GRIP2: variants seen among roughly 807,000 people sequenced by gnomAD.
The protein encoded by GRIP2 is glutamate receptor interacting protein 2, also known as glutamate receptor-interacting protein 2.
GRIP2 carries 58 observed loss-of-function variants against 108.3 expected under a neutral mutation model. The observed-to-expected ratio is 0.54, with a 90% CI of 0.43 to 0.67. The LOEUF (loss-of-function observed/expected upper bound fraction) is 0.67, where lower values mean the gene tolerates loss of function less well. Among genes scored for constraint, GRIP2 ranks in the 30% least tolerant of loss-of-function variants. GRIP2 has a pLI of 0.00. For missense variants in GRIP2, 1,278 were observed against 1,430.6 expected (o/e 0.89, Z 1.72); for synonymous variants, 586 against 598.2 (o/e 0.98, Z 0.30).
chr3:14,568,585 G>A, the GRIP2 span, among the ~76,000 whole-genome samples: 1 of 152,180 alleles, frequency 6.6e-6, no homozygotes, highest in Non-Finnish European at 1.5e-5. Flanking sequence ...CCTGACTCAC[G>A]TGGCACAGGT....
the GRIP2 span, among the ~76,000 whole-genome samples, chr3:14,581,688 T>G: frequency 6.6e-6 from 1 of 152,292 alleles, no homozygotes; most frequent in African/African-American, 2.4e-5. Context: ...GAGAAGTGAA[T>G]GATGGGAAGA....
chr3:14,520,488 C>T lies in GRIP2; in HGVS notation c.762G>A (p.Thr254=), dbSNP rs527277444. The T allele has an allele frequency of 8.1e-6, 13 of 1,613,920 alleles. No individual in the cohort carries two copies. In the African/African-American group the frequency reaches 1.1e-4, roughly 13 times the overall value. Residue 254 remains threonine, a synonymous_variant, in exon 8 of 24, where the codon ACG becomes ACA. Transcript: ENST00000621039. ...GCGAGATCCCCAGGGCAGACCCTGG[C>T]GTCTTGACTATTTCCACCATCAAGG... ...SGPLMVEIVK[T]PGSALGISLT...
At chr3:14,513,298 G>A (rs1437033692) in intron 13 of GRIP2, among the ~76,000 whole-genome samples, 11 of 152,196 alleles carry the variant, frequency 7.2e-5, no homozygotes. Flanking sequence ...ATTTACGGAT[G>A]GGGAAACAGT....
chr3:14,539,511 T>C (rs13092628), intron 1 of GRIP2, among the ~76,000 whole-genome samples: 11,265 of 152,164 alleles, frequency 0.074, 462 homozygotes, highest in Middle Eastern at 0.12. Flanking sequence ...GGGACCACAG[T>C]CCTTGCCCTT....
rs1437360348 is a variant in GRIP2, at chr3:14,506,974, AG to A, written c.2224del (p.Leu742SerfsTer23). 2.5e-6 allele frequency: 4 copies of A among 1,600,868 alleles called. No homozygotes were observed. The highest frequency in any genetic ancestry group is 3.4e-6 in the Non-Finnish European group (4 of 1,173,530). ...LKIKKQLDRP[L>X]LPRKSGSLSE... ...GAGGCTGCCCGACTTGCGGGGTAGG[AG>A]GGGACCTGGGAGGAGAGAGGGGTGT... On this transcript the variant is annotated frameshift_variant, in exon 19 of 24. Transcript: ENST00000621039. LOFTEE classifies it high-confidence loss of function.
intron 11 of GRIP2, among the ~76,000 whole-genome samples, chr3:14,514,814 C>G (rs1694205345): frequency 6.6e-6 from 1 of 152,202 alleles, no homozygotes; most frequent in South Asian, 2.1e-4. Context: ...TATATTATGT[C>G]ACTCTGCTTT....
At chr3:14,497,750 C>G (rs1421071833) in intron 21 of GRIP2, among the ~76,000 whole-genome samples, 1 of 151,988 alleles carries the variant, frequency 6.6e-6, no homozygotes, top group Non-Finnish European at 1.5e-5. Context: ...TGTTAGGGGT[C>G]ATGTAGTGGT....
chr3:14,538,917 G>C (rs1028622800), intron 1 of GRIP2, among the ~76,000 whole-genome samples: 1 of 152,214 alleles, frequency 6.6e-6, no homozygotes, highest in Non-Finnish European at 1.5e-5. Flanking sequence ...CACCTCCCTG[G>C]CAGTGCCCCA....
At chr3:14,575,070 G>C in the GRIP2 span, among the ~76,000 whole-genome samples, 1 of 152,142 alleles carries the variant, frequency 6.6e-6, no homozygotes, top group East Asian at 1.9e-4. Flanking sequence ...GATGTGATTG[G>C]AGATGAGCCC....
upstream of GRIP2, among the ~76,000 whole-genome samples, chr3:14,546,760 C>A (rs1695064138): frequency 6.6e-6 from 1 of 152,212 alleles, no homozygotes. Flanking sequence ...CGAGCTCCCA[C>A]TTGACTCTCC....
intron 10 of GRIP2, 110 bp from the exon 11 acceptor site, chr3:14,517,323 C>T (rs551633883): frequency 6.2e-6 from 7 of 1,120,442 alleles, no homozygotes; most frequent in Non-Finnish European, 7.4e-6. Flanking sequence ...GGATGCCTTC[C>T]CCCTTCACAT....
the GRIP2 span, among the ~76,000 whole-genome samples, chr3:14,599,036 A>G: frequency 1.2e-4 from 18 of 152,060 alleles, no homozygotes; most frequent in Admixed American, 2.0e-4. Context: ...TTGTCTTCAT[A>G]TCACTGATGA....
At chr3:14,551,212 G>A (rs1695142269) in intron 1 of GRIP2, among the ~76,000 whole-genome samples, 1 of 152,224 alleles carries the variant, frequency 6.6e-6, no homozygotes, top group South Asian at 2.1e-4. Context: ...GGGGAGACAG[G>A]GCTGGGAGCC....
upstream of GRIP2, chr3:14,540,534 G>T: frequency 1.0e-6 from 1 of 978,914 alleles, no homozygotes; most frequent in Non-Finnish European, 1.5e-6. The surrounding 1 kb of genome is among the most constrained non-coding windows in gnomAD (Gnocchi z 4.1). Context: ...CTGCAGCCTG[G>T]GTCTGGACAG....
upstream of GRIP2, chr3:14,542,162 AT>A (rs532429606): frequency 4.9e-4 from 467 of 951,758 alleles, no homozygotes; most frequent in Middle Eastern, 1.5e-3. Context: ...TATTTTTTTT[AT>A]TTTTTTTTGT....
At chr3:14,517,030 C>G (rs1351943376) in intron 11 of GRIP2, 34 bp downstream of exon 11, 1 of 1,459,800 alleles carries the variant, frequency 6.9e-7, no homozygotes, top group Admixed American at 2.6e-5. Context: ...GACATACAAG[C>G]AGCCCAAGGA....
At chr3:14,553,903 G>A (rs1053421669) in intron 1 of GRIP2, among the ~76,000 whole-genome samples, 1 of 152,078 alleles carries the variant, frequency 6.6e-6, no homozygotes, top group African/African-American at 2.4e-5. Context: ...GAGAGGGGTC[G>A]GGCAGGAGCC....
chr3:14,593,201 A>C, the GRIP2 span, among the ~76,000 whole-genome samples: 2 of 152,220 alleles, frequency 1.3e-5, no homozygotes, highest in African/African-American at 4.8e-5. Context: ...TGGGGAGCAC[A>C]GTATTTGTCT....
rs535911983 is a variant in GRIP2 at position 14,493,879 on chromosome 3, T to G, written c.2971-53A>C. 8.4e-4 allele frequency: 1,313 copies of G among 1,568,076 alleles called. 16 individuals are homozygous for G. In the South Asian group the frequency reaches 9.3e-3, roughly 11 times the overall value. Reference sequence around the variant, plus strand: ...AACCGAGATGTCAGCCCTGCTGCGCTGAAGGGAGCAAGAGGCATGTGATGT... The same window carrying G: ...AACCGAGATGTCAGCCCTGCTGCGCGGAAGGGAGCAAGAGGCATGTGATGT... On this transcript the variant is annotated intron_variant, in intron 23 of 23. Transcript: ENST00000621039.
Sources: gnomAD v4.1 joint callset for allele counts (sites outside exome capture counted in the v4.1 genomes callset) on GRCh38, gnomAD v4.1.1 for gene constraint, Gnocchi (gnomAD v3.1) non-coding constraint, MANE v1.5 for transcripts, NCBI Gene and HGNC (gene_info 2026-07-23, HGNC 2026-07-21) for gene names.